ALDOA: variants seen among roughly 807,000 people sequenced by gnomAD.
The protein encoded by ALDOA is fructose-bisphosphate aldolase A.
A neutral mutation model predicts 43.9 loss-of-function variants in ALDOA; 26 were observed. The ratio of observed to expected loss-of-function variants is 0.59; its 90% CI spans 0.43 to 0.82. The LOEUF (loss-of-function observed/expected upper bound fraction) is 0.82. Among genes scored for constraint, ALDOA ranks in the 40% least tolerant of loss-of-function variants. The pLI, the probability that ALDOA is intolerant of heterozygous loss-of-function variation, is 0.00. For synonymous variants in ALDOA, 258 were observed against 222.6 expected, an observed-to-expected ratio of 1.16 and a Z score of -1.42; for missense variants, 498 against 549.5, an observed-to-expected ratio of 0.91 and a Z score of 0.94.
intron 4 of ALDOA, 65 bp from the exon 5 acceptor site, chr16:30,068,581 C>T (rs1274927958): frequency 1.5e-5 from 23 of 1,556,776 alleles, no homozygotes; most frequent in Non-Finnish European, 1.9e-5. Context: ...CCAGCCGGGG[C>T]GACAGTGGAA....
At chr16:30,066,338 C>G (rs537504106) in intron 1 of ALDOA, 3 of 152,654 alleles carry the variant, frequency 2.0e-5, no homozygotes, top group African/African-American at 4.8e-5. Context: ...AGGAGGGAAA[C>G]CCCTCCGCGG....
intron 4 of ALDOA, chr16:30,068,432 A>T: frequency 1.6e-6 from 1 of 640,684 alleles, no homozygotes; most frequent in African/African-American, 1.8e-5. Flanking sequence ...AGTTTAAGGG[A>T]TTAAGTAAAT....
intron 1 of ALDOA, 49 bp downstream of exon 1, chr16:30,065,976 C>T (rs1339151212): frequency 6.5e-6 from 1 of 153,094 alleles, no homozygotes; most frequent in Non-Finnish European, 1.5e-5. Flanking sequence ...GGAGAGGGAT[C>T]TTGGGGGCAG....
intron 8 of ALDOA, 28 bp from the exon 9 acceptor site, chr16:30,069,802 C>T: frequency 3.1e-6 from 5 of 1,613,486 alleles, no homozygotes; most frequent in Non-Finnish European, 4.2e-6. Flanking sequence ...CTGACCACAG[C>T]CCCTCTCGCC....
intron 9 of ALDOA, 40 bp from the exon 10 acceptor site, chr16:30,070,076 CG>C (rs2072271100): frequency 1.9e-6 from 3 of 1,613,220 alleles, no homozygotes; most frequent in Non-Finnish European, 2.5e-6. Flanking sequence ...GGATGGGACT[CG>C]GAGAAGAGCC....
In ALDOA at chr16:30,068,975, G is replaced by C. The variant is rs748819122; in HGVS notation, c.699G>C (p.Gln233His). ...TGGCCCGTTATGCCAGTATCTGCCA[G>C]CAGGTGGGCCTGCAGGTCCTCAATA... is the stretch of plus-strand genomic sequence containing the variant. ...NVLARYASICQQNGIVPIVEP... is the reference protein window; with the variant it reads ...NVLARYASICHQNGIVPIVEP... Residue 233 changes from glutamine to histidine, a missense_variant, in exon 6 of 10, where the codon CAG (glutamine) becomes CAC (histidine). By Grantham distance (24) the Gln-to-His change is conservative. Transcript: ENST00000642816. 8 of 1,614,104 alleles carry C rather than the reference G, an allele frequency of 5.0e-6. No homozygotes were observed. In the South Asian group the frequency reaches 8.8e-5, roughly 18 times the overall value.
At chr16:30,064,758 C>G, upstream of ALDOA, 1 of 257,906 alleles carries the variant, frequency 3.9e-6, no homozygotes, top group Non-Finnish European at 7.3e-6. Flanking sequence ...TGACCAGGCT[C>G]TGCCGGCTCC....
chr16:30,067,156 A>G, intron 2 of ALDOA, 78 bp from the exon 3 acceptor site: 1 of 1,601,026 alleles, frequency 6.2e-7, no homozygotes, highest in Non-Finnish European at 8.5e-7. Context: ...CCTGACCTCC[A>G]GGAGAGGGGC....
chr16:30,069,997 G>T lies in ALDOA; in HGVS notation c.1129G>T (p.Ala377Ser), dbSNP rs148828956. ...GGGCGGGAAGAAGGAGAACCTGAAG[G>T]CTGCGCAGGAGGAGTATGTCAAGCG... ...AWGGKKENLKAAQEEYVKRAL... is the reference protein window; with the variant it reads ...AWGGKKENLKSAQEEYVKRAL... Residue 377 changes from alanine (A) to serine (S), a missense_variant, in exon 9 of 10, where the codon GCT becomes TCT. Coordinates refer to ENST00000642816, the MANE Select transcript of ALDOA (RefSeq NM_001243177.4). The T allele has an allele frequency of 1.5e-5, 24 of 1,613,736 alleles. No homozygotes were observed. In the African/African-American group the frequency reaches 2.8e-4, roughly 19 times the overall value.
chr16:30,067,898 G>A (rs2072177797), intron 4 of ALDOA: 2 of 577,398 alleles, frequency 3.5e-6, no homozygotes, highest in Non-Finnish European at 6.2e-6. Flanking sequence ...TTTGCTCAGA[G>A]TAAGTGGCAG....
upstream of ALDOA, among the ~76,000 whole-genome samples, chr16:30,065,485 GGCGCCCCAGAGC>G (rs1435324902): frequency 1.3e-5 from 2 of 152,118 alleles, no homozygotes; most frequent in African/African-American, 4.8e-5. Context: ...GCTGAGTCAC[GGCGCCCCAGAGC>G]GCGCCAGGCT....
chr16:30,069,514 T>C lies in ALDOA; in HGVS notation c.802T>C (p.Tyr268His). 1 of 1,614,110 alleles carries C rather than the reference T, an allele frequency of 6.2e-7. No homozygotes were observed. Among genetic ancestry groups the C allele is most frequent in the Non-Finnish European group, 8.5e-7 (1 of 1,180,028 alleles). Residue 268 changes from tyrosine to histidine, a missense_variant, in exon 8 of 10, where the codon TAC becomes CAC. Physicochemically the swap from Tyr to His is moderately conservative, Grantham distance 83 (BLOSUM62 2). Transcript: ENST00000642816. ...TCTGCTCCAGGTGCTGGCTGCTGTC[T>C]ACAAGGCTCTGAGTGACCACCACAT... ...YVTEKVLAAV[Y>H]KALSDHHIYL...
In ALDOA at chr16:30,070,349, G is replaced by C; in HGVS notation, c.*137G>C. ...CCTCGTGACAGTGGTGTGTGGTGTCGTCTGTGAATGCTAAGTCCATCACCC... is the reference window on the plus strand; with the variant it reads ...CCTCGTGACAGTGGTGTGTGGTGTCCTCTGTGAATGCTAAGTCCATCACCC... On this transcript the variant is annotated 3_prime_UTR_variant, in exon 10 of 10. Transcript: ENST00000642816. The C allele has an allele frequency of 2.6e-6, 2 of 771,100 alleles. No homozygotes were observed. Among genetic ancestry groups the C allele is most frequent in the Non-Finnish European group, 4.5e-6 (2 of 449,260 alleles). 47.8% of individuals were successfully genotyped at this position (771,100 alleles called of 1,614,324 possible). A position where few individuals can be genotyped will look rare whatever the true frequency, so the allele number is the denominator to read the frequency against.
At position 30,065,828 on chromosome 16, in the gene ALDOA, G is replaced by T. The variant is rs2072079944; in HGVS notation, c.-113G>T. The T allele has an allele frequency of 6.5e-6, 1 of 152,836 alleles. No individual in the cohort carries two copies. Among genetic ancestry groups the T allele is most frequent in the Admixed American group, 6.5e-5 (1 of 15,280 alleles). 9.5% of individuals were successfully genotyped at this position (152,836 alleles called of 1,614,324 possible). On this transcript the variant is annotated 5_prime_UTR_variant, in exon 1 of 10. Coordinates refer to ENST00000642816, the MANE Select transcript of ALDOA (RefSeq NM_001243177.4). Reference sequence around the variant, plus strand: ...TTCCTCTCGGAACGCGCCGCAGAAGGGGTCCTGGTGACGAGTCCCGCGTTC... The same window carrying T: ...TTCCTCTCGGAACGCGCCGCAGAAGTGGTCCTGGTGACGAGTCCCGCGTTC...
rs1240391681 is a variant in ALDOA, at chr16:30,070,157, G to A, written c.1202G>A (p.Gly401Asp). ...TGTCAAGGAAAGTACACTCCGAGCG[G>A]TCAGGCTGGGGCTGCTGCCAGCGAG... ...LACQGKYTPS[G>D]QAGAAASESL... Residue 401 changes from glycine (G) to aspartate (D), a missense_variant, in exon 10 of 10, where the codon GGT becomes GAT. By Grantham distance (94) the Gly-to-Asp change is moderately conservative. Coordinates refer to ENST00000642816, the MANE Select transcript of ALDOA (RefSeq NM_001243177.4). 6.2e-7 allele frequency: 1 copy of A among 1,614,032 alleles called. No homozygotes were observed. The highest frequency in any genetic ancestry group is 2.2e-5 in the East Asian group (1 of 44,896).
At chr16:30,064,998 A>G (rs778741592), upstream of ALDOA, among the ~76,000 whole-genome samples, 50 of 152,380 alleles carry the variant, frequency 3.3e-4, no homozygotes, top group Non-Finnish European at 6.5e-4. Context: ...CCCGCATGCC[A>G]GAGGCCGAGC....
chr16:30,068,858 G>A lies in ALDOA; in HGVS notation c.582G>A (p.Lys194=), dbSNP rs746865548. 6.2e-6 allele frequency: 10 copies of A among 1,614,218 alleles called. 1 individual carries two copies. Among genetic ancestry groups the A allele is most frequent in the Non-Finnish European group, 7.6e-6 (9 of 1,180,036 alleles). The change falls in exon 6 of 10, where the codon AAG becomes AAA. Residue 194 remains lysine, a synonymous_variant. Coordinates refer to ENST00000642816, the MANE Select transcript of ALDOA (RefSeq NM_001243177.4). The part of the protein sequence containing the change: ...GLSERCAQYK[K]DGADFAKWRC... ...CTGAGCGCTGTGCCCAGTACAAGAA[G>A]GACGGAGCTGACTTCGCCAAGTGGC...
chr16:30,065,080 C>A (rs749359307), upstream of ALDOA, among the ~76,000 whole-genome samples: 3 of 152,238 alleles, frequency 2.0e-5, no homozygotes, highest in Non-Finnish European at 4.4e-5. Flanking sequence ...TGCGGCGGCC[C>A]GGCGGAGAGC....
Position 30,068,960 on chromosome 16 carries a change from T to G in ALDOA, c.684T>G (p.Tyr228Ter), listed in dbSNP as rs1596813728. Reference sequence around the variant, plus strand: ...AAAATGCCAATGTTCTGGCCCGTTATGCCAGTATCTGCCAGCAGGTGGGCC... The same window carrying G: ...AAAATGCCAATGTTCTGGCCCGTTAGGCCAGTATCTGCCAGCAGGTGGGCC... The part of the protein sequence containing the change: ...IMENANVLAR[Y>*]ASICQQNGIV... The change falls in exon 6 of 10, where the codon TAT (tyrosine) becomes TAG (stop). Residue 228 changes from tyrosine to a stop codon, truncating the protein, a stop_gained. Transcript: ENST00000642816. LOFTEE classifies it high-confidence loss of function. 6.2e-7 allele frequency: 1 copy of G among 1,614,248 alleles called. No individual in the cohort carries two copies. Among genetic ancestry groups the G allele is most frequent in the African/African-American group, 1.3e-5 (1 of 75,076 alleles).
Sources: gnomAD v4.1 joint callset for allele counts (sites outside exome capture counted in the v4.1 genomes callset) on GRCh38, gnomAD v4.1.1 for gene constraint, MANE v1.5 for transcripts, NCBI Gene and HGNC (gene_info 2026-07-23, HGNC 2026-07-21) for gene names.